Variants in LRRC1 observed in about 807,000 individuals in gnomAD.
LRRC1 encodes leucine-rich repeat-containing protein 1.
In LRRC1, 28 loss-of-function variants were observed where a neutral mutation model predicts 69.9. That is an observed-to-expected ratio of 0.40 (90% CI 0.30 to 0.55). LRRC1 has a LOEUF of 0.55. Among genes scored for constraint, LRRC1 ranks in the 20% least tolerant of loss-of-function variants. The pLI is 0.47. For synonymous variants in LRRC1, 236 were observed against 240.2 expected (o/e 0.98, Z 0.16); for missense variants, 498 against 609.0 (o/e 0.82, Z 1.92).
intron 4 of LRRC1, among the ~76,000 whole-genome samples, chr6:53,884,721 A>G (rs1767417557): frequency 6.6e-6 from 1 of 152,074 alleles, no homozygotes; most frequent in African/African-American, 2.4e-5. Flanking sequence ...GTGTCTTTTT[A>G]AAAAGTCTTA....
chr6:53,877,404 C>G (rs1767109353), intron 2 of LRRC1, among the ~76,000 whole-genome samples: 1 of 152,206 alleles, frequency 6.6e-6, no homozygotes, highest in Non-Finnish European at 1.5e-5. Flanking sequence ...CATTCAGCTT[C>G]TCGTTACTTA....
At chr6:53,853,624 A>G (rs896253656) in intron 2 of LRRC1, among the ~76,000 whole-genome samples, 1 of 152,198 alleles carries the variant, frequency 6.6e-6, no homozygotes, top group Non-Finnish European at 1.5e-5. Flanking sequence ...ATCATCCCAT[A>G]AAAAGTAGAA....
chr6:53,889,485 T>C (rs1023409176), intron 4 of LRRC1, among the ~76,000 whole-genome samples: 2 of 152,196 alleles, frequency 1.3e-5, no homozygotes, highest in Admixed American at 1.3e-4. Flanking sequence ...ATGTATACAG[T>C]GAAATAGTAT....
intron 2 of LRRC1, among the ~76,000 whole-genome samples, chr6:53,871,035 C>T (rs892447734): frequency 7.2e-5 from 11 of 152,110 alleles, no homozygotes; most frequent in Admixed American, 2.6e-4. Context: ...ATCCATTCAT[C>T]TGTTGAGGGA....
chr6:53,877,293 A>C (rs1203011761), intron 2 of LRRC1, among the ~76,000 whole-genome samples: 2 of 152,134 alleles, frequency 1.3e-5, no homozygotes, highest in East Asian at 3.9e-4. Context: ...GGGCCCAGGA[A>C]ACAATTTTCT....
rs753681996 is a variant in LRRC1 at position 53,795,440 on chromosome 6, G to A, written c.159+25G>A. The A allele has an allele frequency of 1.9e-6, 3 of 1,593,250 alleles. No individual in the cohort carries two copies. The Admixed American group carries it at 5.1e-5, about 27-fold the overall frequency. The stretch of plus-strand genomic sequence containing the variant: ...GGTAAGGGTCCGGCCTCACCTGAGC[G>A]CTCTGCCCGCTCGTCTGCTGTCCCT... On this transcript the variant is annotated intron_variant, in intron 1 of 13. Coordinates refer to ENST00000370888, the MANE Select transcript of LRRC1 (RefSeq NM_018214.5).
chr6:53,840,506 A>C (rs1225916356), intron 1 of LRRC1, among the ~76,000 whole-genome samples: 1 of 151,978 alleles, frequency 6.6e-6, no homozygotes, highest in Non-Finnish European at 1.5e-5. Flanking sequence ...GGGCCCTCTC[A>C]AACCAGAAAA....
At chr6:53,903,577 G>A (rs76773478) in intron 9 of LRRC1, among the ~76,000 whole-genome samples, 1 of 93,604 alleles carries the variant, frequency 1.1e-5, no homozygotes, top group Non-Finnish European at 2.3e-5. Flanking sequence ...TTTCCTTTTC[G>A]CTTTTCCTTT....
In LRRC1 at chr6:53,839,785, T is replaced by C. The variant is rs192120292; in HGVS notation, c.160-2325T>C. ...CAAATTTTATATTATGATTATATAT[T>C]CTTTCACTTTATATTTTCCCTGGAA... On this transcript the variant is annotated intron_variant, in intron 1 of 13. Coordinates refer to ENST00000370888, the MANE Select transcript of LRRC1 (RefSeq NM_018214.5). 2.1e-3 allele frequency among the ~76,000 whole-genome samples: 324 copies of C among 152,282 alleles called. 1 individual carries two copies. Among genetic ancestry groups the C allele is most frequent in the African/African-American group, 7.4e-3 (306 of 41,580 alleles).
intron 1 of LRRC1, among the ~76,000 whole-genome samples, chr6:53,826,920 C>G (rs890964592): frequency 6.6e-6 from 1 of 152,090 alleles, no homozygotes; most frequent in Non-Finnish European, 1.5e-5. Flanking sequence ...TTTTGACCCA[C>G]CTGCCCAACC....
intron 1 of LRRC1, among the ~76,000 whole-genome samples, chr6:53,838,466 C>T (rs1378850838): frequency 3.9e-5 from 6 of 152,240 alleles, no homozygotes; most frequent in Middle Eastern, 3.4e-3. Flanking sequence ...ATCTAAGTAC[C>T]TTATTGACTT....
rs574647363 is a variant in LRRC1, at chr6:53,877,406, C to T, written c.278-1587C>T. 4.9e-4 allele frequency among the ~76,000 whole-genome samples: 74 copies of T among 152,306 alleles called. 1 individual carries two copies. Among genetic ancestry groups the T allele is most frequent in the African/African-American group, 1.6e-3 (65 of 41,576 alleles). On this transcript the variant is annotated intron_variant, in intron 2 of 13. Coordinates refer to ENST00000370888, the MANE Select transcript of LRRC1 (RefSeq NM_018214.5). Reference sequence around the variant, plus strand: ...TCTCAGGGATTAACATTCAGCTTCTCGTTACTTATGCAAGTTTCTTCAGCC... The same window carrying T: ...TCTCAGGGATTAACATTCAGCTTCTTGTTACTTATGCAAGTTTCTTCAGCC...
chr6:53,860,158 G>C (rs922192204), intron 2 of LRRC1, among the ~76,000 whole-genome samples: 1 of 152,180 alleles, frequency 6.6e-6, no homozygotes, highest in Admixed American at 6.5e-5. Flanking sequence ...CTGATTCTCA[G>C]TCTTGAATTT....
chr6:53,867,150 T>C (rs1381660123), intron 2 of LRRC1, among the ~76,000 whole-genome samples: 1 of 152,116 alleles, frequency 6.6e-6, no homozygotes, highest in Non-Finnish European at 1.5e-5. Flanking sequence ...CTCAGTTTGC[T>C]GATTCGGAGA....
intron 12 of LRRC1, 102 bp downstream of exon 12, chr6:53,919,772 C>A: frequency 9.6e-7 from 1 of 1,044,198 alleles, no homozygotes; most frequent in Non-Finnish European, 1.4e-6. Flanking sequence ...TGTGTTATAT[C>A]CAGTCTGCAC....
At chr6:53,848,027 A>C (rs1388892259) in intron 2 of LRRC1, among the ~76,000 whole-genome samples, 2 of 152,188 alleles carry the variant, frequency 1.3e-5, no homozygotes, top group African/African-American at 4.8e-5. Flanking sequence ...TTGGGCCCAA[A>C]TTTAGCACTT....
chr6:53,842,214 T>C lies in LRRC1; in HGVS notation c.264T>C (p.Asp88=), dbSNP rs1765811854. The C allele has an allele frequency of 5.6e-6, 9 of 1,612,598 alleles. No homozygotes were observed. Among genetic ancestry groups the C allele is most frequent in the Non-Finnish European group, 6.8e-6 (8 of 1,178,722 alleles). ...IANFMQLVEL[D]VSRNEIPEIP... is the part of the protein sequence containing the mutation. ...ACTTCATGCAGCTGGTGGAACTAGA[T>C]GTGTCTCGAAATGGTAAGAAAGATT... is the stretch of plus-strand genomic sequence containing the variant. Residue 88 remains aspartate (D), a synonymous_variant, in exon 2 of 14, where the codon GAT becomes GAC. Coordinates refer to ENST00000370888, the MANE Select transcript of LRRC1 (RefSeq NM_018214.5).
intron 13 of LRRC1, among the ~76,000 whole-genome samples, 199 bp downstream of exon 13, chr6:53,920,960 G>T (rs114871707): frequency 0.025 from 3,816 of 150,978 alleles, 156 homozygotes; most frequent in African/African-American, 0.086. Flanking sequence ...GGAACTCATG[G>T]GTTTTTTTTT....
chr6:53,875,356 G>A (rs942144251), intron 2 of LRRC1, among the ~76,000 whole-genome samples: 3 of 152,044 alleles, frequency 2.0e-5, no homozygotes, highest in African/African-American at 7.2e-5. Context: ...ATAATGATAA[G>A]AGAAAAAAGC....
Sources: allele counts gnomAD v4.1 joint callset (sites outside exome capture counted in the v4.1 genomes callset), GRCh38; gene constraint gnomAD v4.1.1; transcripts MANE v1.5; gene names NCBI Gene and HGNC (gene_info 2026-07-23, HGNC 2026-07-21).